Variants in TAF4 observed in about 807,000 individuals in gnomAD.
TAF4 encodes the protein TATA-box binding protein associated factor 4.
Under a neutral mutation model 90.3 loss-of-function variants are expected in TAF4, and 9 were observed. That is an observed-to-expected ratio of 0.10 (90% CI 0.06 to 0.17). TAF4 has a LOEUF of 0.17. TAF4 is among the 10% of genes least tolerant of loss of function. TAF4 has a pLI of 1.00. For synonymous variants in TAF4, 818 were observed against 638.9 expected (o/e 1.28, Z -4.23); for missense variants, 1,351 against 1,370.7 (o/e 0.99, Z 0.23).
intron 14 of TAF4, among the ~76,000 whole-genome samples, chr20:61,996,274 C>T (rs1458394759): frequency 1.3e-5 from 2 of 151,960 alleles, no homozygotes; most frequent in Non-Finnish European, 2.9e-5. Context: ...CCCAGCTACT[C>T]GGGAAGCTGA....
chr20:62,021,391 C>T lies in TAF4; in HGVS notation c.1361-6684G>A, dbSNP rs373775984. On this transcript the variant is annotated intron_variant, in intron 1 of 14. Transcript: ENST00000252996. ...AGGCACAGGGTCCGGAGGGCCAGGG[C>T]GCTGGGGCTGGCCACAGGGCAGTAA... is the stretch of plus-strand genomic sequence containing the variant. 7.2e-5 allele frequency among the ~76,000 whole-genome samples: 11 copies of T among 152,250 alleles called. No homozygotes were observed. The East Asian group carries it at 1.9e-3, about 27-fold the overall frequency.
At chr20:62,018,147 C>A (rs147646751) in intron 1 of TAF4, among the ~76,000 whole-genome samples, 1 of 152,242 alleles carries the variant, frequency 6.6e-6, no homozygotes, top group African/African-American at 2.4e-5. Flanking sequence ...CGAGTGGCCA[C>A]GTCTCCTAAG....
At chr20:62,045,541 G>T (rs2055988416) in intron 1 of TAF4, among the ~76,000 whole-genome samples, 1 of 152,248 alleles carries the variant, frequency 6.6e-6, no homozygotes, top group Non-Finnish European at 1.5e-5. Flanking sequence ...CTCCCTTGGT[G>T]ACAGGAATAC....
At chr20:62,037,041 G>A (rs1414335704) in intron 1 of TAF4, among the ~76,000 whole-genome samples, 8 of 152,164 alleles carry the variant, frequency 5.3e-5, no homozygotes, top group Non-Finnish European at 7.3e-5. Context: ...ATGAATTTCC[G>A]GTGTCTAGAA....
At chr20:61,979,884 C>CGT (rs2055527580) in intron 14 of TAF4, among the ~76,000 whole-genome samples, 5 of 121,888 alleles carry the variant, frequency 4.1e-5, no homozygotes, top group African/African-American at 1.3e-4. Flanking sequence ...GCAGGCGCGA[C>CGT]GGCCACTCCA....
At chr20:62,037,869 G>A (rs984084785) in intron 1 of TAF4, 12 of 231,998 alleles carry the variant, frequency 5.2e-5, no homozygotes, top group African/African-American at 2.1e-4. Flanking sequence ...GCAGTTTCAC[G>A]AGCGTTCTTA....
chr20:61,989,870 G>A (rs79973540), intron 14 of TAF4, among the ~76,000 whole-genome samples: 2,221 of 152,348 alleles, frequency 0.015, 56 homozygotes, highest in African/African-American at 0.051. Flanking sequence ...AGCAGTAACA[G>A]AAGGGGTGCC....
At chr20:62,029,482 G>A (rs543102465) in intron 1 of TAF4, among the ~76,000 whole-genome samples, 18 of 133,670 alleles carry the variant, frequency 1.3e-4, no homozygotes, top group Admixed American at 4.4e-4. Flanking sequence ...ACGTGCGCGC[G>A]CGCGCACACA....
chr20:62,042,705 G>T (rs1273825026), intron 1 of TAF4, among the ~76,000 whole-genome samples: 2 of 152,262 alleles, frequency 1.3e-5, no homozygotes, highest in Non-Finnish European at 2.9e-5. Context: ...ATGATAATTA[G>T]CAACAATGTT....
rs117769378 is a variant in TAF4 at position 62,050,784 on chromosome 20, T to C, written c.1360+13667A>G. Among the ~76,000 whole-genome samples the C allele has an allele frequency of 6.7e-3, 1,020 of 152,152 alleles. 4 individuals carry two copies. The highest frequency in any genetic ancestry group is 8.5e-3 in the Non-Finnish European group (575 of 68,008). On this transcript the variant is annotated intron_variant, in intron 1 of 14. Coordinates refer to ENST00000252996, the MANE Select transcript of TAF4 (RefSeq NM_003185.4). ...AAGAAGTCACGGCAGAAAGGACCTCTGCCGAGGAAACACACACACATTGGC... is the reference window on the plus strand; with the variant it reads ...AAGAAGTCACGGCAGAAAGGACCTCCGCCGAGGAAACACACACACATTGGC...
intron 14 of TAF4, among the ~76,000 whole-genome samples, chr20:61,985,117 ATG>A (rs752867373): frequency 8.0e-5 from 3 of 37,382 alleles, no homozygotes; most frequent in Non-Finnish European, 1.5e-4. Context: ...TCTCCGGACC[ATG>A]GCAACGCTCC....
At chr20:61,979,899 G>A (rs2055527643) in intron 14 of TAF4, among the ~76,000 whole-genome samples, 1 of 152,174 alleles carries the variant, frequency 6.6e-6, no homozygotes, top group African/African-American at 2.4e-5. Context: ...ACTCCAGAGG[G>A]ACTGCGGCAT....
chr20:62,064,359 ACCTTAGCATT>A (rs2145529090), intron 1 of TAF4, 82 bp downstream of exon 1: 1 of 1,245,840 alleles, frequency 8.0e-7, no homozygotes, highest in South Asian at 2.7e-5. Context: ...GGGACAGATG[ACCTTAGCATT>A]CCACCAGCGG....
At chr20:62,003,365 C>T (rs1207645966) in intron 8 of TAF4, 91 bp from the exon 9 acceptor site, 2 of 1,020,612 alleles carry the variant, frequency 2.0e-6, no homozygotes, top group South Asian at 1.3e-5. Flanking sequence ...GGCACAGCTA[C>T]CACTCTCCTA....
rs1055892242 is a variant in TAF4 at position 62,065,515 on chromosome 20, C to G, written c.296G>C (p.Gly99Ala). Reference protein sequence around the residue: ...PPPAGRARPGGGGPQRPGPPS... With the variant: ...PPPAGRARPGAGGPQRPGPPS... ...GGGGCCCGGGCGCTGCGGCCCCCCG[C>G]CCCCCGGCCGCGCTCTACCTGCGGG... Residue 99 changes from glycine (G) to alanine (A), a missense_variant, in exon 1 of 15, where the codon GGC becomes GCC. Gly to Ala is a moderately conservative substitution (Grantham distance 60). Transcript: ENST00000252996. The G allele has an allele frequency of 1.0e-6, 1 of 974,398 alleles. No homozygotes were observed. Among genetic ancestry groups the G allele is most frequent in the Non-Finnish European group, 1.2e-6 (1 of 823,586 alleles). 60.4% of individuals were successfully genotyped at this position (974,398 alleles called of 1,614,324 possible).
At chr20:62,033,260 A>T (rs2055914374) in intron 1 of TAF4, among the ~76,000 whole-genome samples, 1 of 152,184 alleles carries the variant, frequency 6.6e-6, no homozygotes, top group Non-Finnish European at 1.5e-5. Context: ...ACCTGCCAAG[A>T]TGCGTGTGTG....
chr20:62,004,328 C>CTTTTCTT (rs750655697), intron 7 of TAF4, among the ~76,000 whole-genome samples: 1 of 117,198 alleles, frequency 8.5e-6, no homozygotes, highest in Non-Finnish European at 1.7e-5. Flanking sequence ...CTTTTCTTTT[C>CTTTTCTT]TTTTTTTTTT....
chr20:62,024,243 AC>A (rs1441800989), intron 1 of TAF4, among the ~76,000 whole-genome samples: 8 of 152,146 alleles, frequency 5.3e-5, no homozygotes, highest in African/African-American at 1.4e-4. Context: ...ACACAGGCAA[AC>A]CCCTGGACCG....
At chr20:62,028,521 A>G (rs1322890574) in intron 1 of TAF4, among the ~76,000 whole-genome samples, 1 of 152,156 alleles carries the variant, frequency 6.6e-6, no homozygotes, top group Non-Finnish European at 1.5e-5. Context: ...GTATGTGCGT[A>G]CGGGGCCCTG....
Sources: gnomAD v4.1 joint callset for allele counts (sites outside exome capture counted in the v4.1 genomes callset) on GRCh38, gnomAD v4.1.1 for gene constraint, MANE v1.5 for transcripts, NCBI Gene and HGNC (gene_info 2026-07-23, HGNC 2026-07-21) for gene names.